AKAP19: variants seen among roughly 807,000 people sequenced by gnomAD.
AKAP19 encodes A-kinase anchoring protein 19.
chr2:189,993,804 C>T, the AKAP19 span, among the ~76,000 whole-genome samples: 1 of 152,072 alleles, frequency 6.6e-6, no homozygotes, highest in South Asian at 2.1e-4. Context: ...TAAAGGTGTT[C>T]ATAGTGGTCT....
At chr2:190,194,068 CA>C in the AKAP19 span, among the ~76,000 whole-genome samples, 1 of 151,782 alleles carries the variant, frequency 6.6e-6, no homozygotes, top group Non-Finnish European at 1.5e-5. Context: ...GTTTAGTTTC[CA>C]AATATATGAG....
the AKAP19 span, among the ~76,000 whole-genome samples, chr2:190,090,267 A>T: frequency 5.3e-5 from 8 of 152,098 alleles, no homozygotes; most frequent in Non-Finnish European, 8.8e-5. Context: ...CACTCCTTTC[A>T]CAGTAAGTAG....
the AKAP19 span, among the ~76,000 whole-genome samples, chr2:189,981,928 C>G: frequency 5.3e-5 from 8 of 152,214 alleles, no homozygotes; most frequent in Non-Finnish European, 1.0e-4. Context: ...TTAGCTGCCT[C>G]TAAGATTTTC....
the AKAP19 span, among the ~76,000 whole-genome samples, chr2:190,103,497 G>C: frequency 6.6e-6 from 1 of 152,196 alleles, no homozygotes; most frequent in South Asian, 2.1e-4. Flanking sequence ...AAAGTTTCAG[G>C]ATACAAAATC....
the AKAP19 span, among the ~76,000 whole-genome samples, chr2:190,140,848 G>A: frequency 1.3e-5 from 2 of 152,118 alleles, no homozygotes; most frequent in Non-Finnish European, 2.9e-5. Flanking sequence ...CAGAAAATGG[G>A]TTTTTCTTTT....
At chr2:190,125,291 T>C in the AKAP19 span, among the ~76,000 whole-genome samples, 1 of 150,890 alleles carries the variant, frequency 6.6e-6, no homozygotes, top group Non-Finnish European at 1.5e-5. Context: ...TATGGGACCC[T>C]CATATACACA....
the AKAP19 span, among the ~76,000 whole-genome samples, chr2:190,113,604 A>T: frequency 1.5e-4 from 23 of 152,322 alleles, no homozygotes; most frequent in South Asian, 4.4e-3. Flanking sequence ...ATAAACCAAG[A>T]AGTGCAGAGG....
At chr2:189,888,533 G>T in the AKAP19 span, among the ~76,000 whole-genome samples, 1 of 152,196 alleles carries the variant, frequency 6.6e-6, no homozygotes, top group Non-Finnish European at 1.5e-5. Context: ...ACTTTGGGCA[G>T]TATGGCCATT....
the AKAP19 span, among the ~76,000 whole-genome samples, chr2:190,123,461 T>C: frequency 6.6e-6 from 1 of 152,238 alleles, no homozygotes; most frequent in Non-Finnish European, 1.5e-5. Context: ...GTAAAATCAG[T>C]CCTGTGCTTT....
the AKAP19 span, among the ~76,000 whole-genome samples, chr2:189,945,346 A>C: frequency 6.6e-6 from 1 of 152,228 alleles, no homozygotes; most frequent in African/African-American, 2.4e-5. Flanking sequence ...AATAGCCAGC[A>C]GAGAATTGGT....
chr2:190,142,812 A>G, the AKAP19 span, among the ~76,000 whole-genome samples: 3 of 152,278 alleles, frequency 2.0e-5, no homozygotes, highest in South Asian at 6.2e-4. Context: ...GAAAATAGTG[A>G]AGGTTACAGA....
the AKAP19 span, among the ~76,000 whole-genome samples, chr2:190,068,044 A>T: frequency 0.024 from 3,701 of 152,230 alleles, 163 homozygotes; most frequent in East Asian, 0.18. Context: ...TCTGCTAAAA[A>T]TACAGAAATT....
At chr2:189,939,692 C>T in the AKAP19 span, among the ~76,000 whole-genome samples, 11 of 152,096 alleles carry the variant, frequency 7.2e-5, no homozygotes, top group African/African-American at 2.7e-4. Context: ...AATTCAGAAA[C>T]TTATGAGATA....
At chr2:190,124,923 A>T in the AKAP19 span, among the ~76,000 whole-genome samples, 24 of 152,154 alleles carry the variant, frequency 1.6e-4, no homozygotes, top group East Asian at 3.7e-3. Flanking sequence ...ACAAAAACAC[A>T]CACATTAGCC....
chr2:189,940,471 AAAG>A, the AKAP19 span, among the ~76,000 whole-genome samples: 1 of 151,940 alleles, frequency 6.6e-6, no homozygotes, highest in Non-Finnish European at 1.5e-5. Context: ...AAAGGAGAAA[AAAG>A]AACAAAGGAA....
At chr2:189,975,489 G>C in the AKAP19 span, among the ~76,000 whole-genome samples, 2 of 152,142 alleles carry the variant, frequency 1.3e-5, no homozygotes, top group African/African-American at 4.8e-5. Context: ...GAGTATCTTT[G>C]TGGCGTTCTC....
chr2:189,985,610 A>G, the AKAP19 span, among the ~76,000 whole-genome samples: 1 of 152,192 alleles, frequency 6.6e-6, no homozygotes, highest in Admixed American at 6.5e-5. Context: ...TTAGTCATAT[A>G]TCCCAAGGAA....
At chr2:190,073,895 A>G in the AKAP19 span, among the ~76,000 whole-genome samples, 2 of 152,060 alleles carry the variant, frequency 1.3e-5, no homozygotes, top group East Asian at 1.9e-4. Context: ...TACTAAAAAC[A>G]CAAAAATTAG....
chr2:190,080,191 TTAAA>T, the AKAP19 span, among the ~76,000 whole-genome samples: 1 of 152,238 alleles, frequency 6.6e-6, no homozygotes, highest in Non-Finnish European at 1.5e-5. Flanking sequence ...ATGTAGTTTT[TTAAA>T]TAAATATATT....
Sources: gnomAD v4.1 joint callset for allele counts (sites outside exome capture counted in the v4.1 genomes callset) on GRCh38, gnomAD v4.1.1 for gene constraint, MANE v1.5 for transcripts, NCBI Gene and HGNC (gene_info 2026-07-23, HGNC 2026-07-21) for gene names.